Variants in RIMS1 observed in about 807,000 individuals in gnomAD.
RIMS1 encodes the protein regulating synaptic membrane exocytosis protein 1.
In RIMS1, 83 loss-of-function variants were observed where a neutral mutation model predicts 214.1. That is an observed-to-expected ratio of 0.39 (90% confidence interval 0.32 to 0.47). The LOEUF (loss-of-function observed/expected upper bound fraction) is 0.47, where lower values mean the gene tolerates loss of function less well. Ranked by LOEUF, RIMS1 falls within the 20% of genes least tolerant of loss-of-function variation. The pLI is 0.99. For synonymous variants in RIMS1, 793 were observed against 786.8 expected (o/e 1.01, Z -0.13); for missense variants, 2,050 against 2,161.8 (o/e 0.95, Z 1.03).
intron 6 of RIMS1, among the ~76,000 whole-genome samples, chr6:72,190,491 GAAAGAAAT>G (rs1238017761): frequency 5.0e-5 from 7 of 138,784 alleles, no homozygotes; most frequent in Non-Finnish European, 9.6e-5. Flanking sequence ...AAAAAAGAAA[GAAAGAAAT>G]AAAGGGGCTG....
chr6:72,076,155 C>A (rs1468678858), intron 2 of RIMS1, among the ~76,000 whole-genome samples: 2 of 152,196 alleles, frequency 1.3e-5, no homozygotes, highest in Non-Finnish European at 2.9e-5. Flanking sequence ...TATCCAGACA[C>A]TATGCTAAGT....
intron 4 of RIMS1, among the ~76,000 whole-genome samples, chr6:72,172,104 C>A (rs945808222): frequency 6.6e-6 from 1 of 151,998 alleles, no homozygotes; most frequent in African/African-American, 2.4e-5. Context: ...GTAAGAAATA[C>A]TATGAATTTA....
chr6:72,161,788 G>A lies in RIMS1; in HGVS notation c.472-17787G>A, dbSNP rs1324745060. Among the ~76,000 whole-genome samples, 11 of 140,592 alleles carry A rather than the reference G, an allele frequency of 7.8e-5. 1 individual carries two copies. The highest frequency in any genetic ancestry group is 1.3e-4 in the Non-Finnish European group (8 of 62,024). 92.2% of individuals were successfully genotyped at this position (140,592 alleles called of 152,430 possible). A position where few individuals can be genotyped will look rare whatever the true frequency, so the allele number is the denominator to read the frequency against. On this transcript the variant is annotated intron_variant, in intron 4 of 33. Transcript: ENST00000521978. ...TGATTTCTGTCCTTTCACATTTGCT[G>A]AGGAGAGCTTTACTTCCAACTATGT...
At chr6:72,286,367 C>T (rs1404132208) in intron 24 of RIMS1, among the ~76,000 whole-genome samples, 1 of 152,122 alleles carries the variant, frequency 6.6e-6, no homozygotes, top group East Asian at 1.9e-4. Context: ...GAGGCATCTG[C>T]CTTTGCAACT....
chr6:72,249,578 C>T (rs2072073603), intron 12 of RIMS1, among the ~76,000 whole-genome samples: 1 of 152,056 alleles, frequency 6.6e-6, no homozygotes, highest in African/African-American at 2.4e-5. Context: ...CAAGACTAGC[C>T]TGGCAACATA....
intron 16 of RIMS1, among the ~76,000 whole-genome samples, chr6:72,257,204 T>TC (rs1476395764): frequency 2.6e-5 from 4 of 151,652 alleles, no homozygotes; most frequent in African/African-American, 9.7e-5. Context: ...ATAGTTTTTT[T>TC]TTTTACTTTG....
At chr6:72,090,034 G>C (rs1032177677) in intron 2 of RIMS1, among the ~76,000 whole-genome samples, 1 of 112,620 alleles carries the variant, frequency 8.9e-6, no homozygotes. Flanking sequence ...GTGGGGGGAG[G>C]GGGGAGGGAT....
intron 1 of RIMS1, among the ~76,000 whole-genome samples, chr6:71,903,664 AC>A (rs1045713427): frequency 6.9e-4 from 105 of 152,222 alleles, no homozygotes; most frequent in African/African-American, 2.5e-3. Context: ...CGGGAAAAAA[AC>A]AATCACTATG....
chr6:72,139,353 T>G (rs1305731017), intron 4 of RIMS1, among the ~76,000 whole-genome samples: 1 of 152,216 alleles, frequency 6.6e-6, no homozygotes, highest in African/African-American at 2.4e-5. Context: ...AATGACTTCC[T>G]TTATAAGTCT....
intron 19 of RIMS1, chr6:72,261,880 A>C (rs1340919521): frequency 1.0e-5 from 10 of 985,158 alleles, no homozygotes; most frequent in Non-Finnish European, 1.1e-5. Context: ...CTGAGAAAAA[A>C]ATGTAAAATC....
intron 2 of RIMS1, among the ~76,000 whole-genome samples, chr6:72,011,392 G>A (rs1298158796): frequency 6.6e-6 from 1 of 152,108 alleles, no homozygotes; most frequent in African/African-American, 2.4e-5. Context: ...GAAAACCTAG[G>A]CAATACCATT....
chr6:72,281,218 ATTC>A (rs2089962276), intron 23 of RIMS1, among the ~76,000 whole-genome samples: 1 of 152,138 alleles, frequency 6.6e-6, no homozygotes, highest in African/African-American at 2.4e-5. Context: ...CAATTTTCTT[ATTC>A]TTAAAAAGGA....
intron 4 of RIMS1, among the ~76,000 whole-genome samples, chr6:72,113,885 C>A (rs946437628): frequency 6.6e-6 from 1 of 152,028 alleles, no homozygotes; most frequent in African/African-American, 2.4e-5. Context: ...ATGCTATATG[C>A]AAGACACTTT....
chr6:72,025,435 C>T (rs1466486866), intron 2 of RIMS1, among the ~76,000 whole-genome samples: 1 of 152,152 alleles, frequency 6.6e-6, no homozygotes, highest in Non-Finnish European at 1.5e-5. Context: ...TGCTGCTTCT[C>T]TAAAATGAAG....
intron 2 of RIMS1, among the ~76,000 whole-genome samples, chr6:72,036,059 C>T (rs1162953728): frequency 6.6e-6 from 1 of 152,008 alleles, no homozygotes. Context: ...CATATTTTTC[C>T]CTGAAATACT....
In RIMS1 at chr6:72,159,150, G is replaced by A. The variant is rs1042451113; in HGVS notation, c.472-20425G>A. Among the ~76,000 whole-genome samples, 20 of 141,198 alleles carry A rather than the reference G, an allele frequency of 1.4e-4. 2 individuals are homozygous for A. Among genetic ancestry groups the A allele is most frequent in the African/African-American group, 4.9e-4 (20 of 40,688 alleles). 92.6% of individuals were successfully genotyped at this position (141,198 alleles called of 152,430 possible). A position where few individuals can be genotyped will look rare whatever the true frequency, so the allele number is the denominator to read the frequency against. On this transcript the variant is annotated intron_variant, in intron 4 of 33. Transcript: ENST00000521978. Reference sequence around the variant, plus strand: ...GATTTGCATTTCTCTGATGGCCAGTGATGTTGAGCATTTTTTCATGTGTCT... The same window carrying A: ...GATTTGCATTTCTCTGATGGCCAGTAATGTTGAGCATTTTTTCATGTGTCT...
At chr6:72,379,759 G>A (rs1375218348) in intron 29 of RIMS1, among the ~76,000 whole-genome samples, 1 of 152,126 alleles carries the variant, frequency 6.6e-6, no homozygotes, top group African/African-American at 2.4e-5. Context: ...AGGAAACTAA[G>A]GTGTAAAAGG....
intron 19 of RIMS1, chr6:72,262,891 A>T: frequency 1.9e-6 from 1 of 538,686 alleles, no homozygotes; most frequent in Non-Finnish European, 2.4e-6. Context: ...AATAACATTT[A>T]TTTAATAACA....
intron 6 of RIMS1, chr6:72,216,397 T>C (rs2056038402): frequency 2.4e-5 from 23 of 971,632 alleles, no homozygotes; most frequent in Non-Finnish European, 2.8e-5. Flanking sequence ...GTTGTCCTTT[T>C]GCCCTCTGGA....
Sources: gnomAD v4.1 joint callset for allele counts (sites outside exome capture counted in the v4.1 genomes callset) on GRCh38, gnomAD v4.1.1 for gene constraint, MANE v1.5 for transcripts, NCBI Gene and HGNC (gene_info 2026-07-23, HGNC 2026-07-21) for gene names.